Variants in PRICKLE2 observed in about 807,000 individuals in gnomAD.
PRICKLE2 encodes the protein prickle-like protein 2.
In PRICKLE2, 21 loss-of-function variants were observed where a neutral mutation model predicts 81.4. The observed-to-expected ratio is 0.26, with a 90% CI of 0.18 to 0.37. The LOEUF (loss-of-function observed/expected upper bound fraction) is 0.37. Among genes scored for constraint, PRICKLE2 ranks in the 10% least tolerant of loss-of-function variants. The probability of loss-of-function intolerance (pLI) is 1.00; values close to 1 mark genes in which losing one functional copy is unlikely to be tolerated. For synonymous variants in PRICKLE2, 456 were observed against 421.5 expected (o/e 1.08, Z -1.00); for missense variants, 940 against 1,109.0 (o/e 0.85, Z 2.16).
At chr3:64,159,434 TG>T (rs2077695059) in intron 4 of PRICKLE2, among the ~76,000 whole-genome samples, 1 of 152,230 alleles carries the variant, frequency 6.6e-6, no homozygotes, top group Non-Finnish European at 1.5e-5. Context: ...ATTCTTCCAA[TG>T]GCTCACCCAG....
intron 7 of PRICKLE2, among the ~76,000 whole-genome samples, chr3:64,126,136 A>T (rs1011858633): frequency 6.6e-6 from 1 of 152,186 alleles, no homozygotes; most frequent in African/African-American, 2.4e-5. Context: ...GTAAAATTTC[A>T]TGAAAAACTT....
At chr3:64,168,394 A>T (rs1346269280) in intron 2 of PRICKLE2, among the ~76,000 whole-genome samples, 2 of 152,114 alleles carry the variant, frequency 1.3e-5, no homozygotes, top group Admixed American at 1.3e-4. Context: ...CAAAAAAAAA[A>T]TCTCATAATG....
rs779550133 is a variant in PRICKLE2, at chr3:64,099,548, G to C, written c.2038C>G (p.Arg680Gly). ...CTGGACCTGTGAGGTCGGAAACGGC[G>C]GTTGTCGTCGCGTGAAGTAGCTCTT... ...RRRATSRDDNRRFRPHRSRRS... is the reference protein window; with the variant it reads ...RRRATSRDDNGRFRPHRSRRS... Residue 680 changes from arginine to glycine, a missense_variant, in exon 8 of 8, where the codon CGC (arginine) becomes GGC (glycine). By Grantham distance (125) the Arg-to-Gly change is moderately radical. This residue lies in a region of PRICKLE2 where 670 missense variants were observed against 717.2 expected (regional missense o/e 0.93). Transcript: ENST00000638394. The surrounding 1 kb of genome is among the most constrained non-coding windows in gnomAD (Gnocchi z 4.3). 1 of 1,609,836 alleles carries C rather than the reference G, an allele frequency of 6.2e-7. No individual in the cohort carries two copies. Among genetic ancestry groups the C allele is most frequent in the South Asian group, 1.1e-5 (1 of 91,046 alleles).
At chr3:64,136,925 G>A (rs1444110419) in intron 7 of PRICKLE2, among the ~76,000 whole-genome samples, 4 of 152,200 alleles carry the variant, frequency 2.6e-5, no homozygotes, top group African/African-American at 9.7e-5. Flanking sequence ...GAATATTAAT[G>A]CAGTCATTAA....
rs569903509 is a variant in PRICKLE2 at position 64,245,500 on chromosome 3, C to T, written c.129-46533G>A. Among the ~76,000 whole-genome samples, 39 of 152,176 alleles carry T rather than the reference C, an allele frequency of 2.6e-4. 1 individual carries two copies. The South Asian group carries it at 6.8e-3, about 27-fold the overall frequency. ...GCTGCTTCTGTTTGGAATCAGTGTCCGCCCTCATAACAATAGAAGATCTTA... is the reference window on the plus strand; with the variant it reads ...GCTGCTTCTGTTTGGAATCAGTGTCTGCCCTCATAACAATAGAAGATCTTA... On this transcript the variant is annotated intron_variant, in intron 2 of 8. Transcript: ENST00000295902.
At chr3:64,263,874 G>C (rs1039185993) in intron 2 of PRICKLE2, among the ~76,000 whole-genome samples, 9 of 152,030 alleles carry the variant, frequency 5.9e-5, no homozygotes, top group African/African-American at 1.7e-4. Context: ...TTGCCACGAG[G>C]GCCTCTGCCC....
chr3:64,234,708 C>A (rs927845374), intron 2 of PRICKLE2, among the ~76,000 whole-genome samples: 1 of 152,048 alleles, frequency 6.6e-6, no homozygotes, highest in South Asian at 2.1e-4. Context: ...ACTTCAGTTC[C>A]GCTTTTTAAG....
intron 2 of PRICKLE2, among the ~76,000 whole-genome samples, chr3:64,182,906 A>G (rs2078159798): frequency 6.6e-6 from 1 of 152,302 alleles, no homozygotes; most frequent in Admixed American, 6.5e-5. Context: ...AGAACACAAG[A>G]AAACAGAAAA....
chr3:64,179,596 G>A (rs1051563823), intron 2 of PRICKLE2, among the ~76,000 whole-genome samples: 1 of 152,196 alleles, frequency 6.6e-6, no homozygotes, highest in South Asian at 2.1e-4. Context: ...GGCCATGTAT[G>A]CATTAGGCAA....
chr3:64,265,013 C>A (rs574016379), intron 2 of PRICKLE2, among the ~76,000 whole-genome samples: 2 of 152,176 alleles, frequency 1.3e-5, no homozygotes, highest in East Asian at 1.9e-4. Context: ...ACAGTACCTG[C>A]GTCTGTTCCC....
Position 64,097,533 on chromosome 3 carries a change from G to C in PRICKLE2, c.*1518C>G, listed in dbSNP as rs1456598110. On this transcript the variant is annotated 3_prime_UTR_variant, in exon 8 of 8. Coordinates refer to ENST00000638394, the MANE Select transcript of PRICKLE2 (RefSeq NM_198859.4). ...AGTGCTTCATTTTTAACTGAAGCAA[G>C]GTAGGGAGTTTTATTTTACTATAAA... The C allele has an allele frequency of 6.6e-6, 1 of 152,576 alleles. No individual in the cohort carries two copies. The highest frequency in any genetic ancestry group is 6.5e-5 in the Admixed American group (1 of 15,288). 9.5% of individuals were successfully genotyped at this position (152,576 alleles called of 1,614,324 possible). A position where few individuals can be genotyped will look rare whatever the true frequency, so the allele number is the denominator to read the frequency against.
intron 1 of PRICKLE2, among the ~76,000 whole-genome samples, chr3:64,205,018 G>A (rs2078657572): frequency 6.6e-6 from 1 of 151,448 alleles, no homozygotes; most frequent in Non-Finnish European, 1.5e-5. Flanking sequence ...ATATTCGGAA[G>A]TGTGTGGGGA....
intron 7 of PRICKLE2, among the ~76,000 whole-genome samples, chr3:64,142,201 C>G (rs1475417977): frequency 1.3e-5 from 2 of 152,000 alleles, no homozygotes; most frequent in Non-Finnish European, 2.9e-5. Flanking sequence ...TCATATCTGA[C>G]AGAACCATAG....
chr3:64,214,882 ACTTC>A (rs1322638132), intron 1 of PRICKLE2, among the ~76,000 whole-genome samples: 1 of 152,106 alleles, frequency 6.6e-6, no homozygotes, highest in East Asian at 1.9e-4. Flanking sequence ...GGGACCGTGG[ACTTC>A]CTTGGTGCAC....
chr3:64,249,984 C>T (rs1050132533), intron 2 of PRICKLE2, among the ~76,000 whole-genome samples: 1 of 152,188 alleles, frequency 6.6e-6, no homozygotes, highest in Non-Finnish European at 1.5e-5. Flanking sequence ...TGCTCAAGGC[C>T]TGAATATTCT....
chr3:64,120,476 T>C (rs2077008079), intron 7 of PRICKLE2, among the ~76,000 whole-genome samples: 1 of 151,558 alleles, frequency 6.6e-6, no homozygotes, highest in African/African-American at 2.4e-5. Context: ...AGGGTAGGAG[T>C]CAGTGATGGA....
At chr3:64,181,404 T>C (rs1453719874) in intron 2 of PRICKLE2, among the ~76,000 whole-genome samples, 1 of 152,190 alleles carries the variant, frequency 6.6e-6, no homozygotes, top group Non-Finnish European at 1.5e-5. Flanking sequence ...CCTCTTGCTA[T>C]CACAGTCTTC....
In PRICKLE2 at chr3:64,146,936, A is replaced by C; in HGVS notation, c.1554T>G (p.Cys518Trp). The C allele has an allele frequency of 6.2e-7, 1 of 1,614,090 alleles. No individual in the cohort carries two copies. Among genetic ancestry groups the C allele is most frequent in the Non-Finnish European group, 8.5e-7 (1 of 1,180,010 alleles). The part of the protein sequence containing the change: ...EEEGGLSTQQ[C>W]RTRHPISSLK... ...GGGAACTGATGGGATGACGGGTCCGACACTGCTGAGTGGACAAGCCCCCTT... is the reference window on the plus strand; with the variant it reads ...GGGAACTGATGGGATGACGGGTCCGCCACTGCTGAGTGGACAAGCCCCCTT... Residue 518 changes from cysteine (C) to tryptophan (W), a missense_variant, in exon 7 of 8, where the codon TGT becomes TGG. Cys to Trp is a radical substitution (Grantham distance 215). Around this residue, in one of 2 missense-constraint regions of PRICKLE2, gnomAD observed 670 missense variants for 717.2 expected, o/e 0.93. Transcript: ENST00000638394.
intron 2 of PRICKLE2, 105 bp downstream of exon 2, chr3:64,198,679 C>G (rs2078509197): frequency 7.8e-7 from 1 of 1,289,298 alleles, no homozygotes; most frequent in African/African-American, 1.5e-5. Context: ...TACCACTTCT[C>G]TGAATCAGCA....
Sources: allele counts gnomAD v4.1 joint callset (sites outside exome capture counted in the v4.1 genomes callset), GRCh38; gene constraint gnomAD v4.1.1; regional missense constraint gnomAD v4.1.1; non-coding constraint Gnocchi (gnomAD v3.1); transcripts MANE v1.5; gene names NCBI Gene and HGNC (gene_info 2026-07-23, HGNC 2026-07-21).